Variants in GASK1B observed in about 807,000 individuals in gnomAD.
GASK1B encodes Golgi-associated kinase 1B.
Under a neutral mutation model 42.8 loss-of-function variants are expected in GASK1B, and 34 were observed. The ratio of observed to expected loss-of-function variants is 0.79; its 90% CI spans 0.60 to 1.06. The LOEUF (loss-of-function observed/expected upper bound fraction) is 1.06. Ranked by LOEUF, GASK1B falls within the 50% of genes least tolerant of loss-of-function variation. The pLI is 0.00. For synonymous variants in GASK1B, 262 were observed against 259.1 expected (o/e 1.01, Z -0.11); for missense variants, 686 against 661.0 (o/e 1.04, Z -0.42).
intron 3 of GASK1B, among the ~76,000 whole-genome samples, chr4:158,135,320 C>CAA (rs1219141206): frequency 4.5e-3 from 247 of 54,954 alleles, no homozygotes; most frequent in Non-Finnish European, 4.9e-3. Context: ...GACTCCGTCT[C>CAA]AAAAAAAAAA....
intron 3 of GASK1B, among the ~76,000 whole-genome samples, chr4:158,145,790 T>A (rs1289541419): frequency 1.3e-5 from 2 of 152,176 alleles, no homozygotes; most frequent in African/African-American, 4.8e-5. Context: ...CTGCAGCAGA[T>A]AAGAGCTCAG....
At chr4:158,142,732 C>G (rs1397864454) in intron 3 of GASK1B, among the ~76,000 whole-genome samples, 1 of 152,114 alleles carries the variant, frequency 6.6e-6, no homozygotes, top group Admixed American at 6.6e-5. Context: ...ACAAAGAAGA[C>G]TTGACAAAAT....
chr4:158,156,541 T>G (rs1731767427), intron 2 of GASK1B, among the ~76,000 whole-genome samples: 1 of 152,192 alleles, frequency 6.6e-6, no homozygotes, highest in Admixed American at 6.5e-5. Context: ...TTTGTCTCAC[T>G]CTTGGAAGTT....
At chr4:158,136,023 A>G (rs1177852689) in intron 3 of GASK1B, among the ~76,000 whole-genome samples, 1 of 152,206 alleles carries the variant, frequency 6.6e-6, no homozygotes, top group Non-Finnish European at 1.5e-5. Flanking sequence ...CCAGATAAAC[A>G]TCTTGTTAGA....
rs762283832 is a variant in GASK1B, at chr4:158,130,929, T to G, written c.1209A>C (p.Lys403Asn). 3 of 1,614,086 alleles carry G rather than the reference T, an allele frequency of 1.9e-6. No homozygotes were observed. Among genetic ancestry groups the G allele is most frequent in the Non-Finnish European group, 1.7e-6 (2 of 1,179,964 alleles). Residue 403 changes from lysine to asparagine, a missense_variant, in exon 4 of 5, where the codon AAA (lysine) becomes AAC (asparagine). Coordinates refer to ENST00000585682, the MANE Select transcript of GASK1B (RefSeq NM_001128424.2). ...DACVQNGLRP[K>N]CDDQGSAALA... ...GAGCCGCAGAACCTTGGTCATCACA[T>G]TTTGGCCTCAATCCATTCTGTACAC...
In GASK1B at chr4:158,170,729, A is replaced by C; in HGVS notation, c.647T>G (p.Leu216Arg). ...RIYSESAPSW[L>R]SKDDIRRMRL... ...CATTCTTCGGATGTCATCTTTGCTC[A>C]GCCAGGAGGGGGCGCTCTCGCTGTA... is the stretch of plus-strand genomic sequence containing the variant. Residue 216 changes from leucine (L) to arginine (R), a missense_variant, in exon 2 of 5, where the codon CTG (leucine) becomes CGG (arginine). Transcript: ENST00000585682. The C allele has an allele frequency of 6.2e-7, 1 of 1,614,224 alleles. No individual in the cohort carries two copies. Among genetic ancestry groups the C allele is most frequent in the Non-Finnish European group, 8.5e-7 (1 of 1,180,042 alleles).
chr4:158,132,349 G>A (rs1223804902), intron 3 of GASK1B, among the ~76,000 whole-genome samples: 2 of 152,116 alleles, frequency 1.3e-5, no homozygotes, highest in Non-Finnish European at 2.9e-5. Context: ...GCTTAGAAAG[G>A]GATGCCGAAA....
At chr4:158,141,920 C>CTTTT (rs36207959) in intron 3 of GASK1B, among the ~76,000 whole-genome samples, 23 of 47,620 alleles carry the variant, frequency 4.8e-4, no homozygotes, top group Middle Eastern at 0.019. Context: ...GTTGTGGTTT[C>CTTTT]TTTTTTTTTT....
intron 3 of GASK1B, among the ~76,000 whole-genome samples, chr4:158,152,546 A>T (rs1214761841): frequency 6.6e-6 from 1 of 152,120 alleles, no homozygotes; most frequent in African/African-American, 2.4e-5. Flanking sequence ...CAACAAAAAA[A>T]AAAGAGGAAA....
rs1049037113 is a variant in GASK1B at position 158,150,925 on chromosome 4, G to T, written c.1125+4686C>A. Among the ~76,000 whole-genome samples the T allele has an allele frequency of 3.9e-5, 6 of 152,176 alleles. No individual in the cohort carries two copies. In the East Asian group the frequency reaches 1.2e-3, roughly 29 times the overall value. On this transcript the variant is annotated intron_variant, in intron 3 of 4. Transcript: ENST00000585682. The stretch of plus-strand genomic sequence containing the variant: ...TCTCCTCCATCAAAGTTCCTATTTC[G>T]TAGACTGTGACTCTGTGCTAAACTG...
chr4:158,156,167 G>A (rs1731752213), intron 2 of GASK1B, among the ~76,000 whole-genome samples: 1 of 152,126 alleles, frequency 6.6e-6, no homozygotes, highest in Non-Finnish European at 1.5e-5. Context: ...ACCACAAAAA[G>A]GGAAAGAATC....
intron 3 of GASK1B, among the ~76,000 whole-genome samples, chr4:158,147,869 G>A (rs1407820904): frequency 2.0e-5 from 3 of 151,992 alleles, no homozygotes; most frequent in Non-Finnish European, 4.4e-5. Flanking sequence ...CAATAAAAAA[G>A]CACAATGATT....
At chr4:158,153,668 A>G (rs1176669069) in intron 3 of GASK1B, among the ~76,000 whole-genome samples, 1 of 152,220 alleles carries the variant, frequency 6.6e-6, no homozygotes, top group Non-Finnish European at 1.5e-5. Flanking sequence ...ACATAGACCA[A>G]TGGAACAGAA....
At chr4:158,139,387 C>T (rs1731031288) in intron 3 of GASK1B, among the ~76,000 whole-genome samples, 1 of 152,208 alleles carries the variant, frequency 6.6e-6, no homozygotes, top group Admixed American at 6.5e-5. Context: ...AGATAGCTAT[C>T]TACTAAAAGG....
intron 1 of GASK1B, among the ~76,000 whole-genome samples, chr4:158,171,912 C>T (rs1253963040): frequency 6.6e-6 from 1 of 152,108 alleles, no homozygotes; most frequent in East Asian, 1.9e-4. Context: ...TCAGAAAGAA[C>T]TTAAGACAAG....
chr4:158,140,295 A>G (rs894098568), intron 3 of GASK1B, among the ~76,000 whole-genome samples: 3 of 152,226 alleles, frequency 2.0e-5, no homozygotes, highest in African/African-American at 7.2e-5. Context: ...TGGAAGCTCC[A>G]TATATCTCTT....
At chr4:158,137,200 G>T (rs190483590) in intron 3 of GASK1B, among the ~76,000 whole-genome samples, 27 of 152,094 alleles carry the variant, frequency 1.8e-4, no homozygotes, top group African/African-American at 6.5e-4. Flanking sequence ...TCTCACAGAG[G>T]GTCCGCCATA....
chr4:158,170,149 C>T, intron 2 of GASK1B: 1 of 1,359,030 alleles, frequency 7.4e-7, no homozygotes, highest in Non-Finnish European at 1.0e-6. Flanking sequence ...TTCCTCTCCT[C>T]ATCATGCAAA....
At chr4:158,131,661 T>G (rs1730688387) in intron 3 of GASK1B, among the ~76,000 whole-genome samples, 1 of 152,156 alleles carries the variant, frequency 6.6e-6, no homozygotes, top group Non-Finnish European at 1.5e-5. Flanking sequence ...GGTAACCAGA[T>G]TAATTAGAAA....
Sources: gnomAD v4.1 joint callset for allele counts (sites outside exome capture counted in the v4.1 genomes callset) on GRCh38, gnomAD v4.1.1 for gene constraint, MANE v1.5 for transcripts, NCBI Gene and HGNC (gene_info 2026-07-23, HGNC 2026-07-21) for gene names.